BDP1: variants seen among roughly 807,000 people sequenced by gnomAD.
BDP1 encodes the protein BDP1 general transcription factor IIIB subunit.
Under a neutral mutation model 266.6 loss-of-function variants are expected in BDP1, and 169 were observed. The observed-to-expected ratio is 0.63, with a 90% CI of 0.56 to 0.72. The LOEUF (loss-of-function observed/expected upper bound fraction) is 0.72. BDP1 is among the 30% of genes least tolerant of loss of function. The probability of loss-of-function intolerance (pLI) is 0.00; values close to 1 mark genes in which losing one functional copy is unlikely to be tolerated. For synonymous variants in BDP1, 1,090 were observed against 1,022.4 expected, an observed-to-expected ratio of 1.07 and a Z score of -1.26; for missense variants, 3,015 against 3,053.8, an observed-to-expected ratio of 0.99 and a Z score of 0.30.
intron 20 of BDP1, among the ~76,000 whole-genome samples, chr5:71,515,858 A>G (rs1008197967): frequency 1.3e-5 from 2 of 152,200 alleles, no homozygotes; most frequent in African/African-American, 2.4e-5. Context: ...GGCATATTAT[A>G]TAAGTTTATT....
intron 7 of BDP1, among the ~76,000 whole-genome samples, chr5:71,473,611 T>G (rs1762405742): frequency 6.6e-6 from 1 of 152,100 alleles, no homozygotes; most frequent in Non-Finnish European, 1.5e-5. Context: ...GTTGGTGTGT[T>G]TTTATTGATT....
the BDP1 span, among the ~76,000 whole-genome samples, chr5:71,576,647 TG>T: frequency 2.0e-5 from 3 of 152,160 alleles, no homozygotes; most frequent in Non-Finnish European, 4.4e-5. Flanking sequence ...CATTGTGGAT[TG>T]GGGACCTAAA....
At chr5:71,541,847 T>G (rs760471364) in intron 29 of BDP1, among the ~76,000 whole-genome samples, 165 bp downstream of exon 29, 5 of 152,206 alleles carry the variant, frequency 3.3e-5, no homozygotes, top group Non-Finnish European at 7.3e-5. Context: ...TAAATTATAG[T>G]AGTAAATGTT....
chr5:71,497,387 A>G lies in BDP1; in HGVS notation c.1917A>G (p.Ser639=), dbSNP rs1763961948. Residue 639 remains serine (S), a synonymous_variant, in exon 13 of 39, where the codon TCA becomes TCG. Coordinates refer to ENST00000358731, the MANE Select transcript of BDP1 (RefSeq NM_018429.3). Reference sequence around the variant, plus strand: ...TTCTTTCACAAGGCAAAACAGAGTCAGAGAGCAAGAATTCACATTCAAAAA... The same window carrying G: ...TTCTTTCACAAGGCAAAACAGAGTCGGAGAGCAAGAATTCACATTCAAAAA... ...KSVLSQGKTE[S]ESKNSHSKTS... 6 of 1,613,436 alleles carry G rather than the reference A, an allele frequency of 3.7e-6. No homozygotes were observed. In the African/African-American group the frequency reaches 5.3e-5, roughly 14 times the overall value.
At chr5:71,485,154 A>G (rs568486165) in intron 8 of BDP1, among the ~76,000 whole-genome samples, 5 of 152,300 alleles carry the variant, frequency 3.3e-5, no homozygotes, top group Non-Finnish European at 7.3e-5. Flanking sequence ...TTTAAAATTT[A>G]TTGATCTTAA....
chr5:71,537,170 AAAG>A (rs1248710782), intron 26 of BDP1, among the ~76,000 whole-genome samples: 29 of 150,878 alleles, frequency 1.9e-4, no homozygotes, highest in Non-Finnish European at 3.8e-4. Context: ...AAAAAAAAAA[AAAG>A]AACCAGAACC....
At chr5:71,456,560 TTAAC>T (rs1459935851) in intron 1 of BDP1, among the ~76,000 whole-genome samples, 1 of 152,162 alleles carries the variant, frequency 6.6e-6, no homozygotes, top group Admixed American at 6.5e-5. Flanking sequence ...GTGTGCCTCT[TTAAC>T]TATGGTGACC....
In BDP1 at chr5:71,522,334, A is replaced by G; in HGVS notation, c.5037A>G (p.Arg1679=). The G allele has an allele frequency of 3.7e-6, 6 of 1,613,986 alleles. No individual in the cohort carries two copies. Among genetic ancestry groups the G allele is most frequent in the Non-Finnish European group, 5.1e-6 (6 of 1,179,964 alleles). Residue 1679 remains arginine (R), a synonymous_variant, in exon 23 of 39, where the codon AGA becomes AGG. Transcript: ENST00000358731. ...PYVPSSAQMT[R]RKFQKAKPNL... ...TTCCTAGTTCAGCACAAATGACAAG[A>G]AGGAAATTCCAAAAGGCTAAGCCAA... is the stretch of plus-strand genomic sequence containing the variant.
At chr5:71,488,801 G>A (rs1191213835) in intron 9 of BDP1, among the ~76,000 whole-genome samples, 2 of 151,314 alleles carry the variant, frequency 1.3e-5, no homozygotes, top group Admixed American at 6.6e-5. Flanking sequence ...TCCGCCTCCC[G>A]TGTTCAAGTG....
Position 71,474,171 on chromosome 5 carries a change from G to A in BDP1, c.1014+3682G>A, listed in dbSNP as rs144589742. Among the ~76,000 whole-genome samples the A allele has an allele frequency of 5.7e-3, 856 of 151,494 alleles. 8 individuals are homozygous for A. The highest frequency in any genetic ancestry group is 9.7e-3 in the Non-Finnish European group (655 of 67,868). ...ATTTTTTTGTATTTTTAGTAGAGAT[G>A]GGGTTTCACCATGTTAGCCAGGGTG... On this transcript the variant is annotated intron_variant, in intron 7 of 38. Transcript: ENST00000358731.
intron 31 of BDP1, 42 bp downstream of exon 31, chr5:71,544,549 T>A: frequency 1.3e-6 from 2 of 1,585,306 alleles, no homozygotes; most frequent in Non-Finnish European, 1.7e-6. Flanking sequence ...TTATATTGTT[T>A]CAGCTATAGC....
chr5:71,531,577 C>T (rs879581539), intron 25 of BDP1, among the ~76,000 whole-genome samples: 1 of 151,896 alleles, frequency 6.6e-6, no homozygotes, highest in African/African-American at 2.4e-5. Context: ...GGCATAATCT[C>T]GGCTCAATGC....
At chr5:71,562,926 C>T in intron 38 of BDP1, 3 of 1,254,686 alleles carry the variant, frequency 2.4e-6, no homozygotes, top group Admixed American at 2.7e-5. Flanking sequence ...CTCTGTAAAC[C>T]TGTATCAAAG....
At chr5:71,467,587 C>G in intron 6 of BDP1, 100 bp downstream of exon 6, 5 of 984,248 alleles carry the variant, frequency 5.1e-6, no homozygotes, top group Non-Finnish European at 7.6e-6. Flanking sequence ...AAAATGCAAA[C>G]TACCATTTTA....
At chr5:71,525,378 G>A (rs901139821) in intron 25 of BDP1, among the ~76,000 whole-genome samples, 4 of 148,832 alleles carry the variant, frequency 2.7e-5, no homozygotes, top group Admixed American at 2.7e-4. Flanking sequence ...TGGGGCGGCT[G>A]GCCGGGCGGG....
At chr5:71,458,208 T>C in intron 1 of BDP1, among the ~76,000 whole-genome samples, 1 of 152,232 alleles carries the variant, frequency 6.6e-6, no homozygotes, top group African/African-American at 2.4e-5. Flanking sequence ...AAAATTTTTT[T>C]AAATTTTATA....
chr5:71,522,261 C>CTTGA, intron 22 of BDP1, 28 bp from the exon 23 acceptor site: 1 of 1,570,448 alleles, frequency 6.4e-7, no homozygotes, highest in South Asian at 1.2e-5. Context: ...GATTTTTGTT[C>CTTGA]TTCAACATGA....
chr5:71,501,564 C>G lies in BDP1; in HGVS notation c.1959C>G (p.Asn653Lys). The change falls in exon 14 of 39, where the codon AAC becomes AAG. Residue 653 changes from asparagine to lysine, a missense_variant and splice_region_variant. Physicochemically the swap from Asn to Lys is moderately conservative, Grantham distance 94. This residue lies in a region of BDP1 where 2,383 missense variants were observed against 2,404.9 expected (regional missense o/e 0.99). Transcript: ENST00000358731. ...ATTGTAGCAAATTAAATTCACAGAA[C>G]CACGTGGAAAAAGATAAAATGAATA... is the stretch of plus-strand genomic sequence containing the variant. ...NSHSKTSVEK[N>K]HVEKDKMNTL... 6.4e-7 allele frequency: 1 copy of G among 1,559,350 alleles called. No individual in the cohort carries two copies.
the BDP1 span, among the ~76,000 whole-genome samples, chr5:71,575,955 G>T: frequency 1.3e-5 from 2 of 152,184 alleles, no homozygotes; most frequent in Admixed American, 6.5e-5. Context: ...CATTGCTCCA[G>T]AGAAGGTACA....
Sources: gnomAD v4.1 joint callset for allele counts (sites outside exome capture counted in the v4.1 genomes callset) on GRCh38, gnomAD v4.1.1 for gene constraint, gnomAD v4.1.1 regional missense constraint, MANE v1.5 for transcripts, NCBI Gene and HGNC (gene_info 2026-07-23, HGNC 2026-07-21) for gene names.